Variants in NLRP1 observed in about 807,000 individuals in gnomAD.
NLRP1 encodes the protein NACHT, LRR and PYD domains-containing protein 1.
In NLRP1, 94 loss-of-function variants were observed where a neutral mutation model predicts 136.7. The observed-to-expected ratio is 0.69, with a 90% CI of 0.58 to 0.82. NLRP1 has a LOEUF of 0.82. Among genes scored for constraint, NLRP1 ranks in the 40% least tolerant of loss-of-function variants. The pLI, the probability that NLRP1 is intolerant of heterozygous loss-of-function variation, is 0.00. For synonymous variants in NLRP1, 690 were observed against 725.1 expected (o/e 0.95, Z 0.78); for missense variants, 1,575 against 1,802.7 (o/e 0.87, Z 2.29).
intron 4 of NLRP1, among the ~76,000 whole-genome samples, chr17:5,557,145 A>G (rs1415868572): frequency 6.6e-6 from 1 of 151,894 alleles, no homozygotes; most frequent in Non-Finnish European, 1.5e-5. Flanking sequence ...CTGGGATTAC[A>G]GGCGTGTGCC....
At chr17:5,545,471 C>A (rs1912509610) in intron 5 of NLRP1, among the ~76,000 whole-genome samples, 1 of 150,938 alleles carries the variant, frequency 6.6e-6, no homozygotes, top group Non-Finnish European at 1.5e-5. Context: ...TACAGACACA[C>A]ACACAGACAC....
chr17:5,570,775 T>A (rs535616277), intron 3 of NLRP1, among the ~76,000 whole-genome samples: 17 of 152,244 alleles, frequency 1.1e-4, no homozygotes, highest in Non-Finnish European at 2.1e-4. Context: ...TTTGGTATCA[T>A]TCTGATACCG....
intron 3 of NLRP1, among the ~76,000 whole-genome samples, chr17:5,562,659 C>A (rs1328903206): frequency 6.6e-6 from 1 of 152,170 alleles, no homozygotes; most frequent in Non-Finnish European, 1.5e-5. Context: ...TAAGCACTGC[C>A]TACTGGATGG....
Position 5,532,810 on chromosome 17 carries a change from C to T in NLRP1, c.3296+12G>A. The T allele has an allele frequency of 6.3e-7, 1 of 1,584,106 alleles. No homozygotes were observed. The highest frequency in any genetic ancestry group is 2.3e-5 in the East Asian group (1 of 43,598). ...GAGGCCAGCCTGGGACCAGCAGAGCCCCCTCACTCACCGGTACAAGTTCTT... is the reference window on the plus strand; with the variant it reads ...GAGGCCAGCCTGGGACCAGCAGAGCTCCCTCACTCACCGGTACAAGTTCTT... On this transcript the variant is annotated intron_variant, in intron 11 of 16. Coordinates refer to ENST00000572272, the MANE Select transcript of NLRP1 (RefSeq NM_033004.4).
At chr17:5,509,240 C>T (rs181601191), downstream of NLRP1, among the ~76,000 whole-genome samples, 361 of 152,324 alleles carry the variant, frequency 2.4e-3, 2 homozygotes, top group African/African-American at 8.3e-3. Context: ...TTCCTACCTG[C>T]CTGGGGCTAA....
intron 3 of NLRP1, among the ~76,000 whole-genome samples, chr17:5,569,181 C>T (rs1349074393): frequency 2.0e-5 from 3 of 152,112 alleles, no homozygotes; most frequent in Non-Finnish European, 4.4e-5. Flanking sequence ...CACTAAAGTA[C>T]ACAGTCCACT....
chr17:5,582,608 G>A, intron 2 of NLRP1, 62 bp downstream of exon 2: 2 of 1,513,578 alleles, frequency 1.3e-6, no homozygotes, highest in Non-Finnish European at 1.8e-6. Flanking sequence ...TCCTCTGGGT[G>A]GGGCCCACCA....
Position 5,584,335 on chromosome 17 carries a change from C to T in NLRP1, c.-378G>A. ...ATTCTTCCCTCTCCTGGGTCCTGGA[C>T]TCCTGAGATCAACCCTTGAGCTGCA... On this transcript the variant is annotated 5_prime_UTR_variant, in exon 1 of 17. Coordinates refer to ENST00000572272, the MANE Select transcript of NLRP1 (RefSeq NM_033004.4). The T allele has an allele frequency of 3.9e-6, 1 of 254,250 alleles. No individual in the cohort carries two copies. 15.7% of individuals were successfully genotyped at this position (254,250 alleles called of 1,614,324 possible).
chr17:5,558,905 A>G lies in NLRP1; in HGVS notation c.1791T>C (p.Asp597=), dbSNP rs762078355. The change falls in exon 4 of 17, where the codon GAT becomes GAC. Residue 597 remains aspartate, a synonymous_variant. Coordinates refer to ENST00000572272, the MANE Select transcript of NLRP1 (RefSeq NM_033004.4). ...TCAAGAAGGTGGAGATGATGGCCCC[A>G]TCTAACCCATGCTTCCTGAGGTCAT... ...SPDDLRKHGL[D]GAIISTFLKM... The G allele has an allele frequency of 5.6e-5, 91 of 1,614,006 alleles. No homozygotes were observed. Among genetic ancestry groups the G allele is most frequent in the Non-Finnish European group, 7.2e-5 (85 of 1,180,022 alleles).
chr17:5,560,046 A>T lies in NLRP1; in HGVS notation c.653-3T>A, dbSNP rs1597460868. The T allele has an allele frequency of 1.9e-6, 3 of 1,548,802 alleles. No homozygotes were observed. The highest frequency in any genetic ancestry group is 2.5e-5 in the South Asian group (2 of 81,244). On this transcript the variant is annotated splice_region_variant and splice_polypyrimidine_tract_variant and intron_variant, in intron 3 of 16. Transcript: ENST00000572272. ...CTCTCTCTCTCTTTCTCTGATTTCT[A>T]AGTAAGGGAGGGAAAGAAGGAACAT...
At chr17:5,513,300 C>T (rs1035260276), downstream of NLRP1, among the ~76,000 whole-genome samples, 2 of 152,060 alleles carry the variant, frequency 1.3e-5, no homozygotes, top group African/African-American at 2.4e-5. Context: ...CTATGTTGCC[C>T]GGGCTAGTCT....
At chr17:5,567,236 C>T (rs1479738408) in intron 3 of NLRP1, among the ~76,000 whole-genome samples, 1 of 151,942 alleles carries the variant, frequency 6.6e-6, no homozygotes, top group Non-Finnish European at 1.5e-5. Context: ...GTGATCTTCT[C>T]TTCTTTCTTT....
Position 5,514,861 on chromosome 17 carries a change from T to G in NLRP1, c.4315A>C (p.Lys1439Gln). The change falls in exon 17 of 17, where the codon AAG (lysine) becomes CAG (glutamine). Residue 1439 changes from lysine (K) to glutamine (Q), a missense_variant. Coordinates refer to ENST00000572272, the MANE Select transcript of NLRP1 (RefSeq NM_033004.4). The stretch of plus-strand genomic sequence containing the variant: ...GCTTGGTAGAGTCCATCTTTGCACT[T>G]CCGGTCCCAGGACTGGCTCAAGCTG... The part of the protein sequence containing the change: ...LFSLSQSWDR[K>Q]CKDGLYQALK... 6.2e-7 allele frequency: 1 copy of G among 1,614,106 alleles called. No homozygotes were observed. The highest frequency in any genetic ancestry group is 8.5e-7 in the Non-Finnish European group (1 of 1,180,034).
In NLRP1 at chr17:5,515,531, G is replaced by C. The variant is rs1254060153; in HGVS notation, c.4058-14C>G. On this transcript the variant is annotated splice_polypyrimidine_tract_variant and intron_variant, in intron 15 of 16. Coordinates refer to ENST00000572272, the MANE Select transcript of NLRP1 (RefSeq NM_033004.4). Reference sequence around the variant, plus strand: ...GCATGAGATCTCCTGGAGGAAAACAGAGATGAAGATGCATCTGAAACAGTG... The same window carrying C: ...GCATGAGATCTCCTGGAGGAAAACACAGATGAAGATGCATCTGAAACAGTG... The C allele has an allele frequency of 6.2e-7, 1 of 1,608,810 alleles. No individual in the cohort carries two copies. Among genetic ancestry groups the C allele is most frequent in the East Asian group, 2.2e-5 (1 of 44,864 alleles).
At chr17:5,501,588 C>T (rs559628463) in exon 16 of NLRP1, 5 of 447,718 alleles carry the variant, frequency 1.1e-5, no homozygotes, top group Non-Finnish European at 1.6e-5. Flanking sequence ...TTCTCTGTCT[C>T]TCCATCTGCA....
intron 15 of NLRP1, among the ~76,000 whole-genome samples, chr17:5,507,344 G>A (rs977021901): frequency 1.3e-5 from 2 of 152,098 alleles, no homozygotes; most frequent in Non-Finnish European, 1.5e-5. Context: ...TTAAATTAAA[G>A]GTCTTCAAAT....
chr17:5,573,179 C>A (rs76060562), intron 3 of NLRP1, among the ~76,000 whole-genome samples: 10,179 of 152,240 alleles, frequency 0.067, 799 homozygotes, highest in African/African-American at 0.19. Flanking sequence ...TATCCCGTGC[C>A]TGGCTCAGAG....
At chr17:5,545,439 C>A (rs1001779351) in intron 5 of NLRP1, among the ~76,000 whole-genome samples, 1 of 150,976 alleles carries the variant, frequency 6.6e-6, no homozygotes, top group Non-Finnish European at 1.5e-5. Flanking sequence ...CAGAGACACA[C>A]ACTTTGACAC....
Position 5,558,682 on chromosome 17 carries a change from G to A in NLRP1, c.2014C>T (p.Arg672Cys), listed in dbSNP as rs771610244. Residue 672 changes from arginine to cysteine, a missense_variant, in exon 4 of 17, where the codon CGT becomes TGT. Transcript: ENST00000572272. ...IHGLFGASTT[R>C]FLLGLLSDEG... Reference sequence around the variant, plus strand: ...TCACTTAACAGGCCCAATAGGAAACGTGTGGTTGATGCCCCAAACAGGCCA... The same window carrying A: ...TCACTTAACAGGCCCAATAGGAAACATGTGGTTGATGCCCCAAACAGGCCA... The A allele has an allele frequency of 3.1e-6, 5 of 1,613,976 alleles. No homozygotes were observed. The highest frequency in any genetic ancestry group is 1.3e-5 in the African/African-American group (1 of 74,884).
Sources: allele counts gnomAD v4.1 joint callset (sites outside exome capture counted in the v4.1 genomes callset), GRCh38; gene constraint gnomAD v4.1.1; transcripts MANE v1.5; gene names NCBI Gene and HGNC (gene_info 2026-07-23, HGNC 2026-07-21).